Variants in TRHDE observed in about 807,000 individuals in gnomAD.
TRHDE encodes the protein thyrotropin-releasing hormone-degrading ectoenzyme.
In TRHDE, 72 loss-of-function variants were observed where a neutral mutation model predicts 125.7. The observed-to-expected ratio is 0.57, with a 90% CI of 0.47 to 0.70. The LOEUF (loss-of-function observed/expected upper bound fraction) is 0.70, where lower values mean the gene tolerates loss of function less well. TRHDE is among the 30% of genes least tolerant of loss of function. TRHDE has a pLI of 0.00. For synonymous variants in TRHDE, 509 were observed against 509.1 expected (o/e 1.00, Z 0.00); for missense variants, 1,110 against 1,327.1 (o/e 0.84, Z 2.54).
intron 2 of TRHDE, among the ~76,000 whole-genome samples, chr12:72,209,719 A>T (rs1242158886): frequency 6.6e-6 from 1 of 152,220 alleles, no homozygotes; most frequent in African/African-American, 2.4e-5. Context: ...TAAGAGGTGG[A>T]GACCAGTTGC....
At chr12:72,440,456 GA>G (rs1482026957) in intron 3 of TRHDE, among the ~76,000 whole-genome samples, 3 of 151,766 alleles carry the variant, frequency 2.0e-5, no homozygotes, top group East Asian at 1.9e-4. Flanking sequence ...TGGCATCTGA[GA>G]TTTTTTTTTG....
At chr12:72,210,210 T>C (rs1046004235) in intron 2 of TRHDE, among the ~76,000 whole-genome samples, 3 of 75,174 alleles carry the variant, frequency 4.0e-5, no homozygotes, top group African/African-American at 1.7e-4. Flanking sequence ...ATCTATCTAC[T>C]TTCTGATAAA....
At chr12:72,168,695 A>G (rs1183444678) in intron 2 of TRHDE, among the ~76,000 whole-genome samples, 1 of 152,178 alleles carries the variant, frequency 6.6e-6, no homozygotes, top group African/African-American at 2.4e-5. Context: ...CTTCCCTCCA[A>G]CTGGAGATAT....
At position 72,273,652 on chromosome 12, in the gene TRHDE, A is replaced by G; in HGVS notation, c.914+95A>G. 8.0e-7 allele frequency: 1 copy of G among 1,246,420 alleles called. No individual in the cohort carries two copies. 77.2% of individuals were successfully genotyped at this position (1,246,420 alleles called of 1,614,324 possible). On this transcript the variant is annotated intron_variant, in intron 1 of 18. Coordinates refer to ENST00000261180, the MANE Select transcript of TRHDE (RefSeq NM_013381.3). This position sits in a 1 kb window ranked among gnomAD's most constrained non-coding sequence, Gnocchi z 5.3. ...ACCCCGGGGACCCAGCTGGCTTCCA[A>G]TACCCGGGAAGCCAGGGGTGGGGGG...
Position 72,621,190 on chromosome 12 carries a change from C to T in TRHDE, c.2552C>T (p.Ala851Val). 6.2e-7 allele frequency: 1 copy of T among 1,609,290 alleles called. No homozygotes were observed. ...KNNFNGSLVQ[A>V]SYQHEELRRE... is the part of the protein sequence containing the mutation. ...AATTTTAATGGATCTCTTGTTCAAGCATCCTACCAACATGAGTACTGTTTT... is the reference window on the plus strand; with the variant it reads ...AATTTTAATGGATCTCTTGTTCAAGTATCCTACCAACATGAGTACTGTTTT... The change falls in exon 14 of 19, where the codon GCA (alanine) becomes GTA (valine). Residue 851 changes from alanine to valine, a missense_variant. This residue lies in a region of TRHDE where 527 missense variants were observed against 651.8 expected (regional missense o/e 0.81). Coordinates refer to ENST00000261180, the MANE Select transcript of TRHDE (RefSeq NM_013381.3).
intron 2 of TRHDE, among the ~76,000 whole-genome samples, chr12:72,295,865 G>T (rs1372877308): frequency 6.6e-6 from 1 of 151,996 alleles, no homozygotes; most frequent in African/African-American, 2.4e-5. Flanking sequence ...CGTTACAAAT[G>T]TAATAATGGT....
intron 3 of TRHDE, among the ~76,000 whole-genome samples, chr12:72,455,325 A>C (rs1592457779): frequency 6.6e-6 from 1 of 152,320 alleles, no homozygotes; most frequent in South Asian, 2.1e-4. Context: ...TAATGATAAC[A>C]ACCAACTGGT....
chr12:72,496,425 C>T (rs372684076), intron 5 of TRHDE, among the ~76,000 whole-genome samples: 39 of 152,218 alleles, frequency 2.6e-4, no homozygotes, highest in African/African-American at 8.2e-4. Flanking sequence ...TCTTACATGG[C>T]GGCAGGCAAG....
At chr12:72,558,042 GGAGAGAGA>G (rs140602723) in intron 7 of TRHDE, among the ~76,000 whole-genome samples, 1 of 149,580 alleles carries the variant, frequency 6.7e-6, no homozygotes, top group African/African-American at 2.5e-5. Flanking sequence ...GGGAGAGAGA[GGAGAGAGA>G]GAGAGAGAGA....
intron 6 of TRHDE, among the ~76,000 whole-genome samples, chr12:72,521,978 TAACCTCAGTTA>T (rs757208783): frequency 2.8e-4 from 42 of 152,230 alleles, no homozygotes; most frequent in Non-Finnish European, 1.3e-4. Context: ...TCTGAAATAA[TAACCTCAGTTA>T]ACATGTATAT....
Position 72,619,043 on chromosome 12 carries a change from A to G in TRHDE, c.2469+5A>G. On this transcript the variant is annotated splice_donor_5th_base_variant and intron_variant, in intron 13 of 18. Transcript: ENST00000261180. ...GAAAACTACAACATTTTCAATGTAA[A>G]AAGATATAATTTTTCTTTCTAATTT... is the stretch of plus-strand genomic sequence containing the variant. 3.9e-6 allele frequency: 6 copies of G among 1,544,456 alleles called. No homozygotes were observed. The highest frequency in any genetic ancestry group is 5.2e-6 in the Non-Finnish European group (6 of 1,149,362).
At chr12:72,359,623 C>T (rs1018509747) in intron 2 of TRHDE, among the ~76,000 whole-genome samples, 1 of 151,518 alleles carries the variant, frequency 6.6e-6, no homozygotes, top group African/African-American at 2.4e-5. Flanking sequence ...TGGAGGAAAT[C>T]GTAAAACTTA....
chr12:72,382,383 G>A (rs1489329112), intron 3 of TRHDE, among the ~76,000 whole-genome samples: 1 of 152,022 alleles, frequency 6.6e-6, no homozygotes, highest in Non-Finnish European at 1.5e-5. Flanking sequence ...TCACATGTTG[G>A]CATTTCTAAA....
intron 2 of TRHDE, among the ~76,000 whole-genome samples, chr12:72,371,826 A>G (rs1212112028): frequency 6.6e-6 from 1 of 152,134 alleles, no homozygotes; most frequent in Non-Finnish European, 1.5e-5. Flanking sequence ...AGTCTTTGCT[A>G]TTGTGAATAG....
intron 2 of TRHDE, chr12:72,306,520 AGAGT>A (rs1256095812): frequency 6.6e-6 from 1 of 152,184 alleles, no homozygotes; most frequent in Non-Finnish European, 1.5e-5. Flanking sequence ...CAACAGTATT[AGAGT>A]AAGTAGACGT....
At chr12:72,519,925 T>A (rs943931841) in intron 6 of TRHDE, among the ~76,000 whole-genome samples, 1 of 152,196 alleles carries the variant, frequency 6.6e-6, no homozygotes, top group Admixed American at 6.5e-5. Context: ...AGTCTGCTGC[T>A]AGGGGGTGCC....
At chr12:72,587,298 G>A (rs1023141242) in intron 12 of TRHDE, among the ~76,000 whole-genome samples, 9 of 151,956 alleles carry the variant, frequency 5.9e-5, no homozygotes, top group Non-Finnish European at 8.8e-5. Context: ...TTTTAACATT[G>A]GTAGATTATC....
At chr12:72,343,127 G>C (rs543531843) in intron 2 of TRHDE, among the ~76,000 whole-genome samples, 1 of 152,186 alleles carries the variant, frequency 6.6e-6, no homozygotes, top group East Asian at 1.9e-4. Flanking sequence ...CTGCTTTATA[G>C]ATAGCATATA....
At chr12:72,660,148 C>T (rs1874860651) in intron 18 of TRHDE, among the ~76,000 whole-genome samples, 2 of 152,172 alleles carry the variant, frequency 1.3e-5, no homozygotes, top group South Asian at 4.1e-4. Context: ...AGAGGGAAGG[C>T]AGCATATGTC....
Sources: gnomAD v4.1 joint callset for allele counts (sites outside exome capture counted in the v4.1 genomes callset) on GRCh38, gnomAD v4.1.1 for gene constraint, gnomAD v4.1.1 regional missense constraint, Gnocchi (gnomAD v3.1) non-coding constraint, MANE v1.5 for transcripts, NCBI Gene and HGNC (gene_info 2026-07-23, HGNC 2026-07-21) for gene names.